The following CLASP2 variants were observed in gnomAD, a reference collection of about 807,000 sequenced individuals.
CLASP2 encodes CLIP-associating protein 2.
Under a neutral mutation model 194.4 loss-of-function variants are expected in CLASP2, and 47 were observed. The observed-to-expected ratio is 0.24, with a 90% CI of 0.19 to 0.31. CLASP2 has a LOEUF of 0.31. CLASP2 is among the 10% of genes least tolerant of loss of function. The pLI is 1.00. For missense variants in CLASP2, 1,445 were observed against 1,823.6 expected (o/e 0.79, Z 3.78); for synonymous variants, 619 against 633.5 (o/e 0.98, Z 0.34).
chr3:33,507,970 A>ATG (rs200800633), intron 37 of CLASP2, among the ~76,000 whole-genome samples: 11,716 of 149,128 alleles, frequency 0.079, 496 homozygotes, highest in Middle Eastern at 0.11. Context: ...ATATATATAT[A>ATG]TGTGTGTGTG....
chr3:33,630,063 C>T (rs763438591), intron 9 of CLASP2, among the ~76,000 whole-genome samples: 10 of 152,020 alleles, frequency 6.6e-5, no homozygotes, highest in Non-Finnish European at 8.8e-5. Context: ...ACTTTGGAAA[C>T]GTAACGGTAA....
chr3:33,575,609 T>C (rs1174448348), intron 24 of CLASP2, among the ~76,000 whole-genome samples: 1 of 152,150 alleles, frequency 6.6e-6, no homozygotes, highest in Non-Finnish European at 1.5e-5. Flanking sequence ...AAAACAACGA[T>C]ATATGTATTG....
intron 2 of CLASP2, among the ~76,000 whole-genome samples, chr3:33,695,026 T>C (rs573807068): frequency 1.4e-5 from 2 of 147,942 alleles, no homozygotes; most frequent in South Asian, 4.2e-4. Flanking sequence ...CATAAACAAG[T>C]AAAATACTTG....
intron 1 of CLASP2, among the ~76,000 whole-genome samples, chr3:33,705,931 T>C (rs994852317): frequency 6.6e-6 from 1 of 152,132 alleles, no homozygotes; most frequent in African/African-American, 2.4e-5. Flanking sequence ...GGGAATTAAA[T>C]AGATATAGAC....
intron 7 of CLASP2, among the ~76,000 whole-genome samples, chr3:33,663,021 T>C (rs1026867587): frequency 6.6e-6 from 1 of 152,040 alleles, no homozygotes; most frequent in Non-Finnish European, 1.5e-5. Flanking sequence ...AGTCTCTTGA[T>C]CTATTATAGT....
Position 33,571,311 on chromosome 3 carries a change from C to A in CLASP2, c.2700-521G>T, listed in dbSNP as rs374207563. 3.5e-4 allele frequency among the ~76,000 whole-genome samples: 53 copies of A among 151,510 alleles called. 1 individual carries two copies. In the East Asian group the frequency reaches 0.01, roughly 30 times the overall value. On this transcript the variant is annotated intron_variant, in intron 25 of 38. Coordinates refer to ENST00000682230, the MANE Select transcript of CLASP2 (RefSeq NM_001365631.1). ...TACAGGCGTGACCCACCGCGCCCGG[C>A]CTGTCTCTATAAATTTTTAACAAAA...
intron 12 of CLASP2, among the ~76,000 whole-genome samples, chr3:33,619,057 C>T (rs996691562): frequency 3.3e-5 from 5 of 152,140 alleles, no homozygotes; most frequent in African/African-American, 7.2e-5. Flanking sequence ...AGCTGAATTA[C>T]TGTACTGAAT....
chr3:33,539,249 G>A (rs1414748616), intron 32 of CLASP2, among the ~76,000 whole-genome samples: 2 of 151,896 alleles, frequency 1.3e-5, no homozygotes, highest in Non-Finnish European at 2.9e-5. Flanking sequence ...AGCTAAGAAC[G>A]TTTTTCACAT....
At chr3:33,689,638 A>T in intron 3 of CLASP2, 191 bp downstream of exon 3, 1 of 431,020 alleles carries the variant, frequency 2.3e-6, no homozygotes, top group Non-Finnish European at 4.1e-6. Flanking sequence ...AAAAAGCATT[A>T]AGAGTACAAA....
intron 23 of CLASP2, among the ~76,000 whole-genome samples, chr3:33,578,894 TTC>T (rs2065442008): frequency 6.6e-6 from 1 of 152,210 alleles, no homozygotes; most frequent in Non-Finnish European, 1.5e-5. Context: ...TCTAATTTAT[TTC>T]TGATGCTTTA....
intron 7 of CLASP2, among the ~76,000 whole-genome samples, chr3:33,655,818 GT>G (rs2084074964): frequency 6.6e-6 from 1 of 152,072 alleles, no homozygotes; most frequent in Non-Finnish European, 1.5e-5. Flanking sequence ...GAAAGCCATG[GT>G]TATATCATCA....
intron 34 of CLASP2, among the ~76,000 whole-genome samples, chr3:33,524,495 C>CA (rs1441414763): frequency 4.6e-5 from 7 of 151,982 alleles, no homozygotes; most frequent in African/African-American, 1.4e-4. Context: ...ACTAAAAATA[C>CA]ATACAATTAG....
chr3:33,696,780 G>T, intron 2 of CLASP2, 75 bp downstream of exon 2: 2 of 1,001,050 alleles, frequency 2.0e-6, no homozygotes, highest in Non-Finnish European at 3.0e-6. Flanking sequence ...AACTATTTCT[G>T]CTAAATAAAA....
Position 33,556,134 on chromosome 3 carries a change from A to G in CLASP2, c.3009+3173T>C, listed in dbSNP as rs191255142. Among the ~76,000 whole-genome samples the G allele has an allele frequency of 2.7e-4, 41 of 152,344 alleles. No homozygotes were observed. In the East Asian group the frequency reaches 6.0e-3, roughly 22 times the overall value. On this transcript the variant is annotated intron_variant, in intron 29 of 38. Transcript: ENST00000682230. Reference sequence around the variant, plus strand: ...TCTTTAAAGTATTACTAATTCAAATAAAATCACTTTGTATTGCCATTTCCC... The same window carrying G: ...TCTTTAAAGTATTACTAATTCAAATGAAATCACTTTGTATTGCCATTTCCC...
intron 7 of CLASP2, among the ~76,000 whole-genome samples, chr3:33,647,280 C>CATAG (rs2082427813): frequency 6.6e-6 from 1 of 152,004 alleles, no homozygotes; most frequent in African/African-American, 2.4e-5. Context: ...GTCAAAGATG[C>CATAG]ATAGTAATAT....
At chr3:33,537,863 CG>C (rs1217515121) in intron 33 of CLASP2, among the ~76,000 whole-genome samples, 1 of 152,076 alleles carries the variant, frequency 6.6e-6, no homozygotes, top group Non-Finnish European at 1.5e-5. Context: ...CAATGTGGGT[CG>C]GGCGCAGTGG....
intron 32 of CLASP2, among the ~76,000 whole-genome samples, chr3:33,539,258 A>G (rs904663393): frequency 7.2e-4 from 110 of 152,274 alleles, no homozygotes; most frequent in African/African-American, 2.5e-3. Context: ...CGTTTTTCAC[A>G]TTTTTAAAAG....
intron 7 of CLASP2, among the ~76,000 whole-genome samples, chr3:33,657,030 G>A (rs1435473558): frequency 6.6e-6 from 1 of 152,148 alleles, no homozygotes; most frequent in Non-Finnish European, 1.5e-5. Context: ...GGGCTTGAAG[G>A]TGGTTTTGAA....
intron 23 of CLASP2, chr3:33,577,409 G>C: frequency 1.7e-6 from 1 of 594,326 alleles, no homozygotes; most frequent in Non-Finnish European, 2.9e-6. Context: ...TAGGGCAATG[G>C]AACATTAGCA....
Sources: allele counts gnomAD v4.1 joint callset (sites outside exome capture counted in the v4.1 genomes callset), GRCh38; gene constraint gnomAD v4.1.1; transcripts MANE v1.5; gene names NCBI Gene and HGNC (gene_info 2026-07-23, HGNC 2026-07-21).